The following MYO10 variants were observed in gnomAD, a reference collection of about 807,000 sequenced individuals.
The protein encoded by MYO10 is unconventional myosin-X.
A neutral mutation model predicts 257.3 loss-of-function variants in MYO10; 133 were observed. The observed-to-expected ratio is 0.52, with a 90% confidence interval of 0.45 to 0.60. The LOEUF is 0.60. MYO10 is among the 20% of genes least tolerant of loss of function. MYO10 has a pLI of 0.00. For missense variants in MYO10, 2,399 were observed against 2,635.7 expected, an observed-to-expected ratio of 0.91 and a Z score of 1.97; for synonymous variants, 1,104 against 1,028.6, an observed-to-expected ratio of 1.07 and a Z score of -1.40.
chr5:16,870,729 C>T (rs1744429985), intron 2 of MYO10, among the ~76,000 whole-genome samples: 1 of 152,034 alleles, frequency 6.6e-6, no homozygotes, highest in Non-Finnish European at 1.5e-5. Flanking sequence ...CCCATCTCTA[C>T]TAAAAATACA....
At chr5:16,698,869 C>T (rs1251729448) in intron 26 of MYO10, among the ~76,000 whole-genome samples, 6 of 143,774 alleles carry the variant, frequency 4.2e-5, no homozygotes, top group Admixed American at 4.0e-4. Context: ...ATGATCCACC[C>T]GCCTCGGCCT....
At chr5:16,755,876 A>G (rs1041829738) in intron 18 of MYO10, among the ~76,000 whole-genome samples, 4 of 152,250 alleles carry the variant, frequency 2.6e-5, no homozygotes, top group South Asian at 2.1e-4. Context: ...AATCCCAGAC[A>G]TGATGTGATT....
chr5:16,666,799 CA>C lies in MYO10; in HGVS notation c.6076-7del, dbSNP rs1561162169. On this transcript the variant is annotated splice_polypyrimidine_tract_variant and splice_region_variant and intron_variant, in intron 40 of 40. Coordinates refer to ENST00000513610, the MANE Select transcript of MYO10 (RefSeq NM_012334.3). ...AGCTTGGCCACATCCACCACCTGCCCAGGGGGAAGCAGAACCGACACAGCGT... is the reference window on the plus strand; with the variant it reads ...AGCTTGGCCACATCCACCACCTGCCCGGGGGAAGCAGAACCGACACAGCGT... 1.9e-6 allele frequency: 3 copies of C among 1,589,226 alleles called. No homozygotes were observed. Among genetic ancestry groups the C allele is most frequent in the South Asian group, 2.3e-5 (2 of 87,726 alleles).
At chr5:16,746,287 C>G (rs1337690266) in intron 19 of MYO10, among the ~76,000 whole-genome samples, 1 of 152,184 alleles carries the variant, frequency 6.6e-6, no homozygotes, top group African/African-American at 2.4e-5. Flanking sequence ...TGGCCACCTT[C>G]TTTACGGCAA....
In MYO10 at chr5:16,685,814, A is replaced by T; in HGVS notation, c.3914T>A (p.Leu1305Gln). ...PEDASQWFSVLSQVHASTDQE... is the reference protein window; with the variant it reads ...PEDASQWFSVQSQVHASTDQE... ...GTCCGTGGACGCGTGGACCTGACTC[A>T]GCACGCTGAACCACTGGCTGTGGGG... is the stretch of plus-strand genomic sequence containing the variant. Residue 1305 changes from leucine (L) to glutamine (Q), a missense_variant, in exon 29 of 41, where the codon CTG (leucine) becomes CAG (glutamine). Leu to Gln is a moderately radical substitution (Grantham distance 113, BLOSUM62 -2). Transcript: ENST00000513610. The T allele has an allele frequency of 3.1e-6, 5 of 1,597,956 alleles. No individual in the cohort carries two copies. Among genetic ancestry groups the T allele is most frequent in the Non-Finnish European group, 3.4e-6 (4 of 1,172,530 alleles).
Position 16,700,981 on chromosome 5 carries a change from A to T in MYO10, c.3414T>A (p.Ser1138=). The change falls in exon 25 of 41, where the codon TCT becomes TCA. Residue 1138 remains serine (S), a synonymous_variant. Transcript: ENST00000513610. ...TACTTACCGAGGACTGCGCCCCCTC[A>T]GAGCTGAACCGGTAGGCACCCGAGC... ...YNSSGAYRFS[S]EGAQSSFEDS... is the part of the protein sequence containing the mutation. 1.3e-6 allele frequency: 2 copies of T among 1,557,856 alleles called. No homozygotes were observed. The highest frequency in any genetic ancestry group is 1.7e-6 in the Non-Finnish European group (2 of 1,150,626).
At chr5:16,682,789 TTAAAAA>T (rs953826146) in intron 30 of MYO10, among the ~76,000 whole-genome samples, 2 of 151,450 alleles carry the variant, frequency 1.3e-5, no homozygotes, top group East Asian at 1.9e-4. Context: ...GAGGTGCCCC[TTAAAAA>T]TAAAAAATAA....
chr5:16,806,292 G>A (rs985403600), intron 3 of MYO10, among the ~76,000 whole-genome samples: 3 of 151,228 alleles, frequency 2.0e-5, no homozygotes, highest in Admixed American at 1.3e-4. Flanking sequence ...GTGAGCCAGA[G>A]GTTGCAGTGA....
At chr5:16,930,076 G>A (rs905469273) in intron 1 of MYO10, among the ~76,000 whole-genome samples, 2 of 152,122 alleles carry the variant, frequency 1.3e-5, no homozygotes, top group Admixed American at 6.6e-5. Flanking sequence ...ATTTAACCTC[G>A]CAAGGCTGTT....
chr5:16,694,252 C>A (rs921356965), intron 27 of MYO10, 119 bp downstream of exon 27: 9 of 1,471,370 alleles, frequency 6.1e-6, no homozygotes, highest in African/African-American at 4.2e-5. Context: ...CTGAACTGAA[C>A]TATCAGGACA....
chr5:16,895,549 C>T (rs1405789458), intron 1 of MYO10, among the ~76,000 whole-genome samples: 1 of 152,102 alleles, frequency 6.6e-6, no homozygotes, highest in Non-Finnish European at 1.5e-5. Context: ...TCCCAGGAAG[C>T]CTCTCACCTC....
At chr5:16,801,448 C>A (rs969190068) in intron 3 of MYO10, among the ~76,000 whole-genome samples, 1 of 152,018 alleles carries the variant, frequency 6.6e-6, no homozygotes, top group African/African-American at 2.4e-5. Context: ...CTGGCTTCAT[C>A]TGGCCTGCTT....
In MYO10 at chr5:16,701,726, A is replaced by C; in HGVS notation, c.2669T>G (p.Ile890Ser). 1 of 1,613,878 alleles carries C rather than the reference A, an allele frequency of 6.2e-7. No homozygotes were observed. The highest frequency in any genetic ancestry group is 8.5e-7 in the Non-Finnish European group (1 of 1,179,858). ...CTCGATTTCTTTCTCCAGACGGAGG[A>C]TCTCTTCCACCTGCTTATTTTCCTT... ...KQKENKQVEE[I>S]LRLEKEIEDL... Residue 890 changes from isoleucine to serine, a missense_variant, in exon 25 of 41, where the codon ATC (isoleucine) becomes AGC (serine). This residue lies in a region of MYO10 where 1,820 missense variants were observed against 1,939.4 expected (regional missense o/e 0.94). Transcript: ENST00000513610. This position sits in a 1 kb window ranked among gnomAD's most constrained non-coding sequence, Gnocchi z 8.1.
intron 4 of MYO10, among the ~76,000 whole-genome samples, chr5:16,790,503 T>C (rs1364758174): frequency 2.6e-5 from 4 of 152,138 alleles, no homozygotes; most frequent in African/African-American, 9.7e-5. Flanking sequence ...ATGAGGGTGG[T>C]TTCCCCATGC....
intron 4 of MYO10, among the ~76,000 whole-genome samples, chr5:16,786,978 G>A (rs941678653): frequency 5.9e-5 from 9 of 152,176 alleles, no homozygotes; most frequent in Admixed American, 5.9e-4. Flanking sequence ...AGGCCAGCCT[G>A]GCGAACATGG....
chr5:16,859,455 C>T (rs1418534876), intron 2 of MYO10, among the ~76,000 whole-genome samples: 1 of 152,118 alleles, frequency 6.6e-6, no homozygotes, highest in East Asian at 1.9e-4. Context: ...AGGATTTCAA[C>T]ATAGGAAGTT....
In MYO10 at chr5:16,830,679, G is replaced by GCACACACACACACACACACTCA. The variant is rs1554000809; in HGVS notation, c.121-12513_121-12512insTGAGTGTGTGTGTGTGTGTGTG. Among the ~76,000 whole-genome samples the GCACACACACACACACACACTCA allele has an allele frequency of 5.9e-3, 872 of 149,018 alleles. 6 individuals are homozygous for GCACACACACACACACACACTCA. Among genetic ancestry groups the GCACACACACACACACACACTCA allele is most frequent in the Non-Finnish European group, 8.7e-3 (588 of 67,306 alleles). On this transcript the variant is annotated intron_variant, in intron 2 of 40. Transcript: ENST00000513610. ...AATCCTAACGTTATTTTTTTAATAGGCACACACACACACACACACACAGGG... is the reference window on the plus strand; with the variant it reads ...AATCCTAACGTTATTTTTTTAATAGGCACACACACACACACACACTCACACACACACACACACACACACAGGG...
Position 16,743,536 on chromosome 5 carries a change from G to A in MYO10, c.1929+11292C>T, listed in dbSNP as rs10058068. ...TGCACACCTGTAGTCCCAGCTACTCGGGAGGCTGAGGCAGGAGAATTGCTT... is the reference window on the plus strand; with the variant it reads ...TGCACACCTGTAGTCCCAGCTACTCAGGAGGCTGAGGCAGGAGAATTGCTT... On this transcript the variant is annotated intron_variant, in intron 19 of 40. Coordinates refer to ENST00000513610, the MANE Select transcript of MYO10 (RefSeq NM_012334.3). Among the ~76,000 whole-genome samples, 592 of 152,096 alleles carry A rather than the reference G, an allele frequency of 3.9e-3. 3 individuals carry two copies. Among genetic ancestry groups the A allele is most frequent in the African/African-American group, 0.013 (558 of 41,496 alleles).
At position 16,701,290 on chromosome 5, in the gene MYO10, G is replaced by A; in HGVS notation, c.3105C>T (p.Tyr1035=). 2 of 1,613,894 alleles carry A rather than the reference G, an allele frequency of 1.2e-6. No homozygotes were observed. The highest frequency in any genetic ancestry group is 1.7e-6 in the Non-Finnish European group (2 of 1,179,846). ...TSDDSSEEDP[Y]MNDTVVPTSP... ...TGGTGGGCACCACCGTGTCGTTCATGTATGGGTCCTCCTCTGAAGAGTCAT... is the reference window on the plus strand; with the variant it reads ...TGGTGGGCACCACCGTGTCGTTCATATATGGGTCCTCCTCTGAAGAGTCAT... Residue 1035 remains tyrosine (Y), a synonymous_variant, in exon 25 of 41, where the codon TAC becomes TAT. Transcript: ENST00000513610. This position sits in a 1 kb window ranked among gnomAD's most constrained non-coding sequence, Gnocchi z 8.1.
Sources: allele counts gnomAD v4.1 joint callset (sites outside exome capture counted in the v4.1 genomes callset), GRCh38; gene constraint gnomAD v4.1.1; regional missense constraint gnomAD v4.1.1; non-coding constraint Gnocchi (gnomAD v3.1); transcripts MANE v1.5; gene names NCBI Gene and HGNC (gene_info 2026-07-23, HGNC 2026-07-21).